Variants in UNC79 observed in about 807,000 individuals in gnomAD.
UNC79 encodes the protein protein unc-79 homolog.
UNC79 carries 37 observed loss-of-function variants against 283.1 expected under a neutral mutation model. The observed-to-expected ratio is 0.13, with a 90% CI of 0.10 to 0.17. The LOEUF (loss-of-function observed/expected upper bound fraction) is 0.17, where lower values mean the gene tolerates loss of function less well. UNC79 is among the 10% of genes least tolerant of loss of function. UNC79 has a pLI of 1.00. For synonymous variants in UNC79, 1,107 were observed against 1,200.2 expected, an observed-to-expected ratio of 0.92 and a Z score of 1.61; for missense variants, 2,272 against 3,211.1, an observed-to-expected ratio of 0.71 and a Z score of 7.07.
intron 1 of UNC79, among the ~76,000 whole-genome samples, chr14:93,346,196 G>A (rs780765197): frequency 2.6e-5 from 4 of 152,054 alleles, no homozygotes; most frequent in Non-Finnish European, 4.4e-5. Context: ...TAAGAAAGAG[G>A]AAGATACCAG....
intron 7 of UNC79, among the ~76,000 whole-genome samples, chr14:93,509,709 C>T (rs1255027406): frequency 6.6e-6 from 1 of 152,156 alleles, no homozygotes; most frequent in Non-Finnish European, 1.5e-5. Flanking sequence ...AGCTCTGCCC[C>T]TGTGGTTCTG....
intron 7 of UNC79, among the ~76,000 whole-genome samples, chr14:93,516,726 G>C (rs977164249): frequency 7.9e-5 from 12 of 152,046 alleles, no homozygotes; most frequent in African/African-American, 2.7e-4. Context: ...GGGATTACAG[G>C]TGTGAGCCAT....
rs575811710 is a variant in UNC79 at position 93,620,576 on chromosome 14, A to T, written c.4388-1045A>T. Among the ~76,000 whole-genome samples the T allele has an allele frequency of 3.9e-5, 6 of 152,324 alleles. No individual in the cohort carries two copies. The East Asian group carries it at 1.2e-3, about 29-fold the overall frequency. On this transcript the variant is annotated intron_variant, in intron 29 of 48. Transcript: ENST00000555664. Reference sequence around the variant, plus strand: ...CAGGCTCCTGGAAAAAGTAGCTGACATCTATGTGTCATCTGGTGTTAAGCA... The same window carrying T: ...CAGGCTCCTGGAAAAAGTAGCTGACTTCTATGTGTCATCTGGTGTTAAGCA...
intron 16 of UNC79, among the ~76,000 whole-genome samples, chr14:93,574,779 T>C (rs2063382529): frequency 6.6e-6 from 1 of 150,974 alleles, no homozygotes; most frequent in Non-Finnish European, 1.5e-5. Flanking sequence ...TAGTGGTGGG[T>C]ATGGAGAGTG....
chr14:93,529,613 A>G (rs2060711465), intron 10 of UNC79, among the ~76,000 whole-genome samples: 1 of 152,218 alleles, frequency 6.6e-6, no homozygotes, highest in African/African-American at 2.4e-5. Context: ...GATTTTCTGT[A>G]TCTGTAACAG....
chr14:93,615,744 A>G (rs898518721), intron 27 of UNC79, among the ~76,000 whole-genome samples: 6 of 141,646 alleles, frequency 4.2e-5, no homozygotes, highest in African/African-American at 1.7e-4. Context: ...AAAAAAAAAA[A>G]AGAAAAGAAG....
chr14:93,553,140 A>G (rs58686047), intron 14 of UNC79, among the ~76,000 whole-genome samples: 4,216 of 152,340 alleles, frequency 0.028, 215 homozygotes, highest in African/African-American at 0.097. Context: ...ATACTCACAT[A>G]TAGTTTCCAA....
intron 48 of UNC79, among the ~76,000 whole-genome samples, chr14:93,705,466 CT>C (rs1195553190): frequency 6.6e-6 from 1 of 151,234 alleles, no homozygotes; most frequent in Non-Finnish European, 1.5e-5. Flanking sequence ...GAGAAGAATT[CT>C]GTTATGACAG....
chr14:93,634,667 C>T (rs746838868), intron 31 of UNC79, 30 bp downstream of exon 34: 13 of 1,562,366 alleles, frequency 8.3e-6, no homozygotes, highest in South Asian at 7.8e-5. Flanking sequence ...CTCATTCTAC[C>T]TCTCGGATTA....
At chr14:93,404,263 C>A (rs1454720674) in intron 1 of UNC79, among the ~76,000 whole-genome samples, 1 of 149,740 alleles carries the variant, frequency 6.7e-6, no homozygotes, top group Non-Finnish European at 1.5e-5. Context: ...TTAAAAAATT[C>A]ACAAACATTT....
intron 28 of UNC79, 105 bp from the exon 30 acceptor site, chr14:93,618,087 A>G (rs1264890287): frequency 1.4e-5 from 17 of 1,219,462 alleles, no homozygotes; most frequent in East Asian, 1.2e-4. Context: ...TCATATATAT[A>G]TTTATCCCCA....
chr14:93,604,818 A>C, intron 26 of UNC79, 78 bp from the exon 27 acceptor site: 1 of 1,366,334 alleles, frequency 7.3e-7, no homozygotes, highest in Non-Finnish European at 9.6e-7. Flanking sequence ...CTATCCCATA[A>C]AGTTAGCACT....
At chr14:93,436,774 C>T (rs1344714325) in intron 1 of UNC79, among the ~76,000 whole-genome samples, 1 of 152,086 alleles carries the variant, frequency 6.6e-6, no homozygotes, top group South Asian at 2.1e-4. Flanking sequence ...CTTATCAATA[C>T]TCTTGCTTTC....
intron 30 of UNC79, among the ~76,000 whole-genome samples, chr14:93,625,070 C>G (rs1001392658): frequency 6.6e-6 from 1 of 152,210 alleles, no homozygotes; most frequent in Non-Finnish European, 1.5e-5. Context: ...GAAACCCTTC[C>G]CCTGTGTCCT....
At chr14:93,571,782 G>C in intron 14 of UNC79, 112 bp from the exon 15 acceptor site, 2 of 1,116,590 alleles carry the variant, frequency 1.8e-6, no homozygotes, top group Non-Finnish European at 2.5e-6. Context: ...CTAGGACTCA[G>C]ACATGATGGA....
chr14:93,660,563 A>ATATATGTGTGTGTG (rs1203621990), intron 39 of UNC79, among the ~76,000 whole-genome samples: 43 of 64,758 alleles, frequency 6.6e-4, no homozygotes, highest in Non-Finnish European at 1.1e-3. Context: ...ATATATATAT[A>ATATATGTGTGTGTG]TGTGTGTGTG....
intron 7 of UNC79, 109 bp downstream of exon 7, chr14:93,497,395 C>T: frequency 3.0e-6 from 4 of 1,344,596 alleles, no homozygotes; most frequent in Non-Finnish European, 3.9e-6. Context: ...TTTTCTATGC[C>T]TTTGGACATG....
chr14:93,425,234 G>GA (rs1034496718), intron 1 of UNC79, among the ~76,000 whole-genome samples: 6 of 152,078 alleles, frequency 3.9e-5, no homozygotes, highest in Admixed American at 3.9e-4. Context: ...GCAAAAGGGG[G>GA]AAAAGCCCCT....
intron 14 of UNC79, among the ~76,000 whole-genome samples, chr14:93,559,851 T>C (rs1306760388): frequency 6.6e-6 from 1 of 152,172 alleles, no homozygotes; most frequent in Non-Finnish European, 1.5e-5. Flanking sequence ...TCCTGTTTTC[T>C]TATATTAATA....
Sources: gnomAD v4.1 joint callset for allele counts (sites outside exome capture counted in the v4.1 genomes callset) on GRCh38, gnomAD v4.1.1 for gene constraint, MANE v1.5 for transcripts, NCBI Gene and HGNC (gene_info 2026-07-23, HGNC 2026-07-21) for gene names.